L3MBTL4: variants seen among roughly 807,000 people sequenced by gnomAD.
The protein encoded by L3MBTL4 is L3MBTL histone methyl-lysine binding protein 4.
L3MBTL4 carries 70 observed loss-of-function variants against 84.5 expected under a neutral mutation model. That is an observed-to-expected ratio of 0.83 (90% CI 0.68 to 1.01). The LOEUF (loss-of-function observed/expected upper bound fraction) is 1.01, where lower values mean the gene tolerates loss of function less well. Among genes scored for constraint, L3MBTL4 ranks in the 50% least tolerant of loss-of-function variants. The pLI is 0.00. For synonymous variants in L3MBTL4, 274 were observed against 259.8 expected (o/e 1.05, Z -0.52); for missense variants, 715 against 754.8 (o/e 0.95, Z 0.62).
chr18:6,056,054 C>T (rs1336689818), intron 16 of L3MBTL4, among the ~76,000 whole-genome samples: 2 of 152,058 alleles, frequency 1.3e-5, no homozygotes, highest in Non-Finnish European at 1.5e-5. Flanking sequence ...GTTTCCTCTA[C>T]TTTGTTTTAA....
In L3MBTL4 at chr18:6,236,058, C is replaced by T. The variant is rs8093454; in HGVS notation, c.784+1906G>A. Among the ~76,000 whole-genome samples the T allele has an allele frequency of 5.5e-3, 834 of 152,232 alleles. 13 individuals carry two copies. Among genetic ancestry groups the T allele is most frequent in the African/African-American group, 0.019 (787 of 41,534 alleles). On this transcript the variant is annotated intron_variant, in intron 10 of 18. Transcript: ENST00000317931. ...GATTCAGTGCACCACTATCAAAACC[C>T]CAGCTGGCTTTTTTGCAGAAATTCA...
At chr18:6,002,905 G>A (rs2054275812) in intron 16 of L3MBTL4, among the ~76,000 whole-genome samples, 1 of 151,538 alleles carries the variant, frequency 6.6e-6, no homozygotes, top group Non-Finnish European at 1.5e-5. Flanking sequence ...GATTGGCAGA[G>A]TGGATAAAAA....
At chr18:6,406,880 T>C (rs188402902) in intron 1 of L3MBTL4, among the ~76,000 whole-genome samples, 5 of 152,334 alleles carry the variant, frequency 3.3e-5, no homozygotes, top group Admixed American at 1.3e-4. Flanking sequence ...TCATAAGCCA[T>C]AGCTGGCCTA....
chr18:6,343,957 T>C (rs2052741899), intron 1 of L3MBTL4, among the ~76,000 whole-genome samples: 1 of 136,184 alleles, frequency 7.3e-6, no homozygotes, highest in African/African-American at 2.9e-5. Context: ...AAGAATGATG[T>C]CAAATAAACA....
chr18:6,035,597 T>C (rs2056090911), intron 16 of L3MBTL4, among the ~76,000 whole-genome samples: 1 of 152,226 alleles, frequency 6.6e-6, no homozygotes, highest in South Asian at 2.1e-4. Flanking sequence ...CCTCTGGCTT[T>C]GTTCTTTTGG....
rs149344202 is a variant in L3MBTL4 at position 5,978,034 on chromosome 18, C to T, written c.1445-8472G>A. On this transcript the variant is annotated intron_variant, in intron 16 of 18. Transcript: ENST00000317931. ...CAGAGCGTGAACCTGACACATGGTG[C>T]GGTGTAGCAGGGGTGCTTAACACAT... is the stretch of plus-strand genomic sequence containing the variant. Among the ~76,000 whole-genome samples the T allele has an allele frequency of 1.1e-3, 165 of 152,332 alleles. No homozygotes were observed. In the South Asian group the frequency reaches 0.011, roughly 10 times the overall value.
At chr18:6,136,962 A>C (rs2060045498) in intron 14 of L3MBTL4, among the ~76,000 whole-genome samples, 1 of 152,184 alleles carries the variant, frequency 6.6e-6, no homozygotes, top group Non-Finnish European at 1.5e-5. Flanking sequence ...TGACTTTCTC[A>C]AGTTGCCCTC....
In L3MBTL4 at chr18:6,115,703, A is replaced by T. The variant is rs78885063; in HGVS notation, c.1200-22175T>A. The stretch of plus-strand genomic sequence containing the variant: ...CCATGGGAAGACTCAAGGAGGGTTT[A>T]CAGAGTAAGCATGGCATGAAGTAAT... On this transcript the variant is annotated intron_variant, in intron 14 of 18. Coordinates refer to ENST00000317931, the MANE Select transcript of L3MBTL4 (RefSeq NM_001330559.2). Among the ~76,000 whole-genome samples, 565 of 152,344 alleles carry T rather than the reference A, an allele frequency of 3.7e-3. 9 individuals carry two copies. The highest frequency in any genetic ancestry group is 0.013 in the African/African-American group (554 of 41,580).
chr18:6,114,168 T>G (rs1281233118), intron 14 of L3MBTL4, among the ~76,000 whole-genome samples: 1 of 152,160 alleles, frequency 6.6e-6, no homozygotes, highest in Non-Finnish European at 1.5e-5. Context: ...GGGAGCAGCA[T>G]GCCCATGCTC....
chr18:6,237,683 T>C (rs2047273001), intron 10 of L3MBTL4, among the ~76,000 whole-genome samples: 1 of 151,960 alleles, frequency 6.6e-6, no homozygotes, highest in Non-Finnish European at 1.5e-5. Context: ...CTTGAACTCC[T>C]GACCTCAGGT....
intron 16 of L3MBTL4, among the ~76,000 whole-genome samples, chr18:6,044,181 C>T (rs73938718): frequency 0.022 from 3,297 of 152,140 alleles, 119 homozygotes; most frequent in African/African-American, 0.075. Context: ...AGGCAAGATT[C>T]GGAATTGTGT....
intron 4 of L3MBTL4, among the ~76,000 whole-genome samples, chr18:6,286,150 T>C (rs934143167): frequency 6.7e-6 from 1 of 149,762 alleles, no homozygotes; most frequent in African/African-American, 2.4e-5. Context: ...TTCAAAACAA[T>C]ACCTAACATT....
chr18:6,353,518 A>C (rs2053297076), intron 1 of L3MBTL4, among the ~76,000 whole-genome samples: 1 of 152,086 alleles, frequency 6.6e-6, no homozygotes, highest in Admixed American at 6.6e-5. Flanking sequence ...CTTTGTTTGG[A>C]GATATGATCT....
chr18:6,355,022 G>A (rs991340955), intron 1 of L3MBTL4, among the ~76,000 whole-genome samples: 21 of 152,168 alleles, frequency 1.4e-4, no homozygotes, highest in Non-Finnish European at 2.5e-4. Context: ...GCCAAAATTT[G>A]GAAGCAACCT....
chr18:6,357,143 G>A (rs1649549718), intron 1 of L3MBTL4, among the ~76,000 whole-genome samples: 1 of 152,104 alleles, frequency 6.6e-6, no homozygotes, highest in African/African-American at 2.4e-5. Context: ...TATCAAGTTA[G>A]CTCCCACCTG....
intron 16 of L3MBTL4, among the ~76,000 whole-genome samples, chr18:5,986,688 A>G (rs1408806131): frequency 1.3e-5 from 2 of 152,208 alleles, no homozygotes; most frequent in Admixed American, 6.5e-5. Flanking sequence ...TGCCTGAGTG[A>G]GTCTGTCTGG....
chr18:6,107,246 C>T (rs1400629617), intron 14 of L3MBTL4, among the ~76,000 whole-genome samples: 1 of 152,098 alleles, frequency 6.6e-6, no homozygotes, highest in Non-Finnish European at 1.5e-5. Context: ...TAGGACTAGC[C>T]TCAATCAGTT....
intron 14 of L3MBTL4, among the ~76,000 whole-genome samples, chr18:6,110,505 C>T (rs199808186): frequency 3.2e-4 from 35 of 108,476 alleles, no homozygotes; most frequent in East Asian, 3.1e-3. Context: ...TGGTTGTACA[C>T]GTGTGCGGGG....
At chr18:6,066,149 T>C (rs1210185322) in intron 16 of L3MBTL4, among the ~76,000 whole-genome samples, 1 of 152,180 alleles carries the variant, frequency 6.6e-6, no homozygotes, top group Admixed American at 6.5e-5. Context: ...TTAACTTCCA[T>C]GTATTCGTAT....
Sources: gnomAD v4.1 joint callset for allele counts (sites outside exome capture counted in the v4.1 genomes callset) on GRCh38, gnomAD v4.1.1 for gene constraint, MANE v1.5 for transcripts, NCBI Gene and HGNC (gene_info 2026-07-23, HGNC 2026-07-21) for gene names.